MSI2: variants seen among roughly 807,000 people sequenced by gnomAD.
The protein encoded by MSI2 is musashi RNA binding protein 2.
In MSI2, 17 loss-of-function variants were observed where a neutral mutation model predicts 45.6. That is an observed-to-expected ratio of 0.37 (90% confidence interval 0.26 to 0.56). The LOEUF is 0.56. Ranked by LOEUF, MSI2 falls within the 20% of genes least tolerant of loss-of-function variation. The pLI, the probability that MSI2 is intolerant of heterozygous loss-of-function variation, is 0.77. For missense variants in MSI2, 293 were observed against 444.2 expected, an observed-to-expected ratio of 0.66 and a Z score of 3.06; for synonymous variants, 156 against 158.2, an observed-to-expected ratio of 0.99 and a Z score of 0.11.
chr17:57,630,373 G>A (rs1909253565), intron 10 of MSI2: 1 of 152,266 alleles, frequency 6.6e-6, no homozygotes, highest in Admixed American at 6.5e-5. Flanking sequence ...TAGCTGCCCT[G>A]TTCTCAACCA....
intron 11 of MSI2, among the ~76,000 whole-genome samples, chr17:57,663,823 A>T (rs1317463260): frequency 1.3e-5 from 2 of 152,148 alleles, no homozygotes; most frequent in South Asian, 4.1e-4. Context: ...CTTAAAGGGC[A>T]CATTCCGTTC....
At chr17:57,546,085 C>T (rs1010416516) in intron 7 of MSI2, among the ~76,000 whole-genome samples, 4 of 152,140 alleles carry the variant, frequency 2.6e-5, no homozygotes, top group South Asian at 2.1e-4. Context: ...GATTCCGGGG[C>T]GATTATGCCC....
chr17:57,468,977 T>C (rs968589098), intron 6 of MSI2, among the ~76,000 whole-genome samples: 3 of 152,198 alleles, frequency 2.0e-5, no homozygotes. Flanking sequence ...CTCCTCCAGC[T>C]GTCAGTTTGC....
intron 5 of MSI2, among the ~76,000 whole-genome samples, chr17:57,284,256 G>T (rs1043234136): frequency 1.6e-4 from 25 of 152,066 alleles, no homozygotes; most frequent in Non-Finnish European, 3.2e-4. Context: ...CTGGCTGCAG[G>T]GTTTCGAAGG....
In MSI2 at chr17:57,684,059, A is replaced by G. The variant is rs2144775591; in HGVS notation, c.*4542A>G. The G allele has an allele frequency of 4.6e-6, 1 of 215,072 alleles. No individual in the cohort carries two copies. The highest frequency in any genetic ancestry group is 5.8e-5 in the Admixed American group (1 of 17,112). The allele number at this position is 215,072 out of a possible 1,614,324, so 13.3% of individuals were successfully genotyped here. A position where few individuals can be genotyped will look rare whatever the true frequency, so the allele number is the denominator to read the frequency against. On this transcript the variant is annotated 3_prime_UTR_variant, in exon 14 of 14. Coordinates refer to ENST00000284073, the MANE Select transcript of MSI2 (RefSeq NM_138962.4). ...AACACCTGGCTATCAAATAATCAGA[A>G]TGTATTGTCTCAGACAGGATTTCAG...
chr17:57,374,374 A>G (rs913828592), intron 5 of MSI2, among the ~76,000 whole-genome samples: 2 of 152,180 alleles, frequency 1.3e-5, no homozygotes, highest in African/African-American at 4.8e-5. Context: ...GTATCCTGAT[A>G]TTTGTCCCTA....
chr17:57,384,799 G>A (rs2083656203), intron 5 of MSI2, among the ~76,000 whole-genome samples: 1 of 152,120 alleles, frequency 6.6e-6, no homozygotes. Context: ...AATTTAGTCT[G>A]ATCTTTCTCT....
At chr17:57,659,055 A>G (rs1416125897) in intron 11 of MSI2, among the ~76,000 whole-genome samples, 2 of 137,846 alleles carry the variant, frequency 1.5e-5, no homozygotes, top group Non-Finnish European at 3.2e-5. Context: ...TTTTTTTTTT[A>G]TTTGGTTGGT....
intron 8 of MSI2, among the ~76,000 whole-genome samples, chr17:57,611,441 C>T (rs570345605): frequency 2.1e-5 from 2 of 95,564 alleles, no homozygotes; most frequent in African/African-American, 6.5e-5. Flanking sequence ...GTGAGGAGTG[C>T]CTCCTGCTGC....
intron 8 of MSI2, among the ~76,000 whole-genome samples, chr17:57,613,373 T>C (rs1907357217): frequency 6.6e-6 from 1 of 152,242 alleles, no homozygotes; most frequent in South Asian, 2.1e-4. Flanking sequence ...GGTTTCCCAG[T>C]ACCAGTGCAT....
intron 7 of MSI2, among the ~76,000 whole-genome samples, chr17:57,536,614 C>T (rs186143837): frequency 5.9e-5 from 9 of 152,328 alleles, no homozygotes; most frequent in African/African-American, 2.2e-4. Flanking sequence ...CCATCAAATC[C>T]TCTCCCAAGT....
At chr17:57,644,702 G>T (rs185541222) in intron 10 of MSI2, among the ~76,000 whole-genome samples, 1 of 152,312 alleles carries the variant, frequency 6.6e-6, no homozygotes, top group East Asian at 1.9e-4. Context: ...ATGCAAGCAT[G>T]CTGGGGAAGG....
chr17:57,694,198 G>A, the MSI2 span, among the ~76,000 whole-genome samples: 1 of 152,208 alleles, frequency 6.6e-6, no homozygotes, highest in East Asian at 1.9e-4. Context: ...GATGTGGGTG[G>A]TTGAGTCAAT....
At chr17:57,374,593 A>G (rs894619308) in intron 5 of MSI2, among the ~76,000 whole-genome samples, 1 of 151,992 alleles carries the variant, frequency 6.6e-6, no homozygotes, top group African/African-American at 2.4e-5. Context: ...CCTGGCCAAC[A>G]TAGTGAAACC....
chr17:57,315,123 A>C (rs1339212182), intron 5 of MSI2, among the ~76,000 whole-genome samples: 1 of 152,192 alleles, frequency 6.6e-6, no homozygotes, highest in African/African-American at 2.4e-5. Context: ...GGAGCCAGGA[A>C]GAGTTTAAAG....
chr17:57,433,123 G>C (rs1394238333), intron 6 of MSI2, among the ~76,000 whole-genome samples: 1 of 152,096 alleles, frequency 6.6e-6, no homozygotes, highest in East Asian at 1.9e-4. Context: ...AAGGATTTGA[G>C]ACCTGTGTGG....
At chr17:57,402,483 C>T (rs1156361694) in intron 6 of MSI2, among the ~76,000 whole-genome samples, 1 of 152,212 alleles carries the variant, frequency 6.6e-6, no homozygotes, top group Non-Finnish European at 1.5e-5. Flanking sequence ...TAAGCTCCAT[C>T]ACTTGTTTCC....
intron 10 of MSI2, among the ~76,000 whole-genome samples, chr17:57,645,128 G>A (rs1464722862): frequency 6.6e-6 from 1 of 152,206 alleles, no homozygotes; most frequent in African/African-American, 2.4e-5. Context: ...TGCCTACACT[G>A]TGCATCAGAA....
the MSI2 span, among the ~76,000 whole-genome samples, chr17:57,697,372 C>T: frequency 5.2e-3 from 787 of 152,076 alleles, 10 homozygotes; most frequent in African/African-American, 0.018. Context: ...CCCACTCCCA[C>T]GTTCTCACAG....
Sources: gnomAD v4.1 joint callset for allele counts (sites outside exome capture counted in the v4.1 genomes callset) on GRCh38, gnomAD v4.1.1 for gene constraint, MANE v1.5 for transcripts, NCBI Gene and HGNC (gene_info 2026-07-23, HGNC 2026-07-21) for gene names.